CUL3: variants seen among roughly 807,000 people sequenced by gnomAD.
CUL3 encodes the protein cullin-3.
CUL3 carries 19 observed loss-of-function variants against 89.1 expected under a neutral mutation model. The observed-to-expected ratio is 0.21, with a 90% CI of 0.15 to 0.31. The LOEUF (loss-of-function observed/expected upper bound fraction) is 0.31. Ranked by LOEUF, CUL3 falls within the 10% of genes least tolerant of loss-of-function variation. The probability of loss-of-function intolerance (pLI) is 1.00; values close to 1 mark genes in which losing one functional copy is unlikely to be tolerated. For missense variants in CUL3, 469 were observed against 942.3 expected (o/e 0.50, Z 6.58); for synonymous variants, 351 against 308.4 (o/e 1.14, Z -1.45).
Position 224,585,325 on chromosome 2 carries a change from C to T in CUL3, c.-316G>A. The T allele has an allele frequency of 2.5e-6, 1 of 402,408 alleles. No homozygotes were observed. Among genetic ancestry groups the T allele is most frequent in the Non-Finnish European group, 4.4e-6 (1 of 229,498 alleles). 24.9% of individuals were successfully genotyped at this position (402,408 alleles called of 1,614,324 possible). A position where few individuals can be genotyped will look rare whatever the true frequency, so the allele number is the denominator to read the frequency against. On this transcript the variant is annotated 5_prime_UTR_variant, in exon 1 of 16. Transcript: ENST00000264414. ...TCCGCGATGGCGGCGGCGGCGGCGACGGACAAACATCTCACTGCGCAGGCC... is the reference window on the plus strand; with the variant it reads ...TCCGCGATGGCGGCGGCGGCGGCGATGGACAAACATCTCACTGCGCAGGCC...
intron 2 of CUL3, among the ~76,000 whole-genome samples, chr2:224,556,972 C>T (rs1299436231): frequency 6.6e-6 from 1 of 151,762 alleles, no homozygotes; most frequent in Non-Finnish European, 1.5e-5. Context: ...AAATAAATAC[C>T]CCAATACCAC....
chr2:224,527,228 G>A (rs762526493), intron 3 of CUL3, among the ~76,000 whole-genome samples: 7 of 152,180 alleles, frequency 4.6e-5, no homozygotes, highest in Non-Finnish European at 7.3e-5. Context: ...GAAGGTGCCA[G>A]GAAAATTCTT....
At chr2:224,575,801 T>C (rs200861995) in intron 1 of CUL3, among the ~76,000 whole-genome samples, 8 of 152,128 alleles carry the variant, frequency 5.3e-5, no homozygotes, top group East Asian at 1.9e-4. Flanking sequence ...AAATGGAAGT[T>C]TGAAGATTTT....
chr2:224,531,507 G>A (rs539523465), intron 3 of CUL3, among the ~76,000 whole-genome samples: 9 of 151,272 alleles, frequency 5.9e-5, no homozygotes, highest in African/African-American at 1.5e-4. Context: ...GTTTGTACAA[G>A]GAGCTGTGGT....
chr2:224,483,766 C>T (rs1279605349), intron 13 of CUL3, among the ~76,000 whole-genome samples: 1 of 152,198 alleles, frequency 6.6e-6, no homozygotes, highest in African/African-American at 2.4e-5. Flanking sequence ...ACTGTTCTAT[C>T]ATGACACAAG....
At chr2:224,497,961 G>A in intron 11 of CUL3, 112 bp from the exon 12 acceptor site, 1 of 769,464 alleles carries the variant, frequency 1.3e-6, no homozygotes, top group Non-Finnish European at 2.1e-6. Flanking sequence ...TGTGTGTATG[G>A]ACTTTAAAAC....
intron 3 of CUL3, among the ~76,000 whole-genome samples, chr2:224,522,967 T>C (rs1185973701): frequency 3.3e-5 from 5 of 152,238 alleles, no homozygotes; most frequent in East Asian, 3.8e-4. Flanking sequence ...TTCTCTAAAG[T>C]TGTGTAAACT....
intron 3 of CUL3, among the ~76,000 whole-genome samples, chr2:224,516,387 GCTCACTGTGAA>G (rs1693050771): frequency 6.6e-6 from 1 of 150,418 alleles, no homozygotes; most frequent in Non-Finnish European, 1.5e-5. Flanking sequence ...CGTGACCTTG[GCTCACTGTGAA>G]CTCTGCCTCC....
chr2:224,502,858 C>G, intron 10 of CUL3, 107 bp downstream of exon 10: 1 of 741,178 alleles, frequency 1.3e-6, no homozygotes. Flanking sequence ...CATGTTGTCA[C>G]TAATGACATT....
chr2:224,495,797 A>C, intron 13 of CUL3, 35 bp downstream of exon 13: 2 of 1,553,556 alleles, frequency 1.3e-6, no homozygotes, highest in South Asian at 2.3e-5. Context: ...AGTTAGAAAC[A>C]ACACAGTTAA....
intron 2 of CUL3, among the ~76,000 whole-genome samples, chr2:224,547,610 A>G (rs1370541168): frequency 1.3e-5 from 2 of 152,108 alleles, no homozygotes; most frequent in Non-Finnish European, 2.9e-5. Flanking sequence ...TGGGTGGCTG[A>G]AACATAGGAG....
At chr2:224,557,956 T>C (rs886396480) in intron 1 of CUL3, 100 bp from the exon 2 acceptor site, 5 of 665,464 alleles carry the variant, frequency 7.5e-6, no homozygotes, top group African/African-American at 7.3e-5. Context: ...AAATATTGTA[T>C]TATATAGATA....
intron 2 of CUL3, among the ~76,000 whole-genome samples, chr2:224,551,068 C>CTT (rs771053112): frequency 1.4e-5 from 2 of 141,334 alleles, no homozygotes; most frequent in African/African-American, 2.6e-5. Flanking sequence ...TAGCCTCCAG[C>CTT]TTTTTTTTTT....
chr2:224,552,890 A>G (rs1290592356), intron 2 of CUL3, among the ~76,000 whole-genome samples: 2 of 152,256 alleles, frequency 1.3e-5, no homozygotes, highest in Non-Finnish European at 1.5e-5. Context: ...AAAAAGGTAT[A>G]TTCTGTGAGA....
chr2:224,532,403 A>G (rs775782714), intron 3 of CUL3, among the ~76,000 whole-genome samples: 1 of 152,040 alleles, frequency 6.6e-6, no homozygotes, highest in Non-Finnish European at 1.5e-5. Context: ...TTTGTTACAG[A>G]AATCAAGGAA....
intron 5 of CUL3, among the ~76,000 whole-genome samples, chr2:224,511,895 C>T (rs150937105): frequency 1.2e-4 from 19 of 152,266 alleles, no homozygotes; most frequent in African/African-American, 4.6e-4. Context: ...AAGCATCTGA[C>T]TCCAAGATAC....
intron 15 of CUL3, among the ~76,000 whole-genome samples, chr2:224,476,109 C>T (rs964563579): frequency 2.0e-5 from 3 of 151,812 alleles, no homozygotes; most frequent in Non-Finnish European, 4.4e-5. Context: ...CTGCAACCTT[C>T]GCCTCCCAGC....
chr2:224,556,025 T>C (rs926502510), intron 2 of CUL3, among the ~76,000 whole-genome samples: 1 of 151,812 alleles, frequency 6.6e-6, no homozygotes, highest in East Asian at 1.9e-4. Flanking sequence ...AATAAAAAAC[T>C]GCTGATTGTG....
At chr2:224,482,596 A>C (rs920227823) in intron 13 of CUL3, among the ~76,000 whole-genome samples, 1 of 152,128 alleles carries the variant, frequency 6.6e-6, no homozygotes, top group Non-Finnish European at 1.5e-5. Context: ...AAGAAAAAAA[A>C]AAACCTGGAA....
Sources: gnomAD v4.1 joint callset for allele counts (sites outside exome capture counted in the v4.1 genomes callset) on GRCh38, gnomAD v4.1.1 for gene constraint, MANE v1.5 for transcripts, NCBI Gene and HGNC (gene_info 2026-07-23, HGNC 2026-07-21) for gene names.